The following ARHGAP24 variants were observed in gnomAD, a reference collection of about 807,000 sequenced individuals.
ARHGAP24 encodes the protein rho GTPase-activating protein 24.
ARHGAP24 carries 50 observed loss-of-function variants against 76.4 expected under a neutral mutation model. The ratio of observed to expected loss-of-function variants is 0.65; its 90% CI spans 0.52 to 0.83. The LOEUF (loss-of-function observed/expected upper bound fraction) is 0.83. Ranked by LOEUF, ARHGAP24 falls within the 40% of genes least tolerant of loss-of-function variation. The probability of loss-of-function intolerance (pLI) is 0.00; values close to 1 mark genes in which losing one functional copy is unlikely to be tolerated. For synonymous variants in ARHGAP24, 345 were observed against 323.3 expected, an observed-to-expected ratio of 1.07 and a Z score of -0.72; for missense variants, 930 against 914.2, an observed-to-expected ratio of 1.02 and a Z score of -0.22.
At chr4:85,866,391 G>T (rs1263069771) in intron 3 of ARHGAP24, among the ~76,000 whole-genome samples, 1 of 152,084 alleles carries the variant, frequency 6.6e-6, no homozygotes, top group African/African-American at 2.4e-5. Context: ...CATTTCCTTG[G>T]CTTACCCTGC....
intron 2 of ARHGAP24, among the ~76,000 whole-genome samples, chr4:85,630,179 A>G (rs375299354): frequency 1.3e-5 from 2 of 152,152 alleles, no homozygotes; most frequent in East Asian, 1.9e-4. Flanking sequence ...TTTCAGCTAT[A>G]GAATATCTGG....
chr4:85,797,112 G>C (rs1237557234), intron 3 of ARHGAP24, among the ~76,000 whole-genome samples: 1 of 151,820 alleles, frequency 6.6e-6, no homozygotes, highest in Non-Finnish European at 1.5e-5. Flanking sequence ...CTCTACTGAT[G>C]ATAGAGTTTA....
rs771231520 is a variant in ARHGAP24 at position 86,001,688 on chromosome 4, A to G, written c.*966A>G. ...TCCCATCTCCCAACAACTGCACTTT[A>G]GAATACCAGCAGTGAAATGGTATTA... On this transcript the variant is annotated 3_prime_UTR_variant, in exon 10 of 10. Transcript: ENST00000395184. 7.2e-5 allele frequency: 26 copies of G among 359,744 alleles called. No homozygotes were observed. The highest frequency in any genetic ancestry group is 1.2e-4 in the Non-Finnish European group (25 of 202,582). 22.3% of individuals were successfully genotyped at this position (359,744 alleles called of 1,614,324 possible).
At chr4:85,905,290 C>T (rs966852583) in intron 3 of ARHGAP24, among the ~76,000 whole-genome samples, 5 of 152,008 alleles carry the variant, frequency 3.3e-5, no homozygotes, top group Admixed American at 6.6e-5. Flanking sequence ...TTAAGTCATA[C>T]GGGCTAGCCA....
chr4:85,773,426 T>C (rs1018120328), intron 3 of ARHGAP24, among the ~76,000 whole-genome samples: 2 of 152,248 alleles, frequency 1.3e-5, no homozygotes, highest in Non-Finnish European at 2.9e-5. Context: ...TCATTCCACA[T>C]GCCAGCTCTA....
At chr4:85,584,360 A>G (rs1285623991) in intron 2 of ARHGAP24, among the ~76,000 whole-genome samples, 1 of 149,790 alleles carries the variant, frequency 6.7e-6, no homozygotes, top group South Asian at 2.1e-4. Context: ...CAAACACCAC[A>G]TGTTCTCACT....
intron 2 of ARHGAP24, among the ~76,000 whole-genome samples, chr4:85,705,298 TATTTTAA>T (rs1291149975): frequency 4.6e-5 from 7 of 152,186 alleles, no homozygotes; most frequent in Non-Finnish European, 1.0e-4. Flanking sequence ...ACAGATACTA[TATTTTAA>T]ATTTTAATTT....
intron 3 of ARHGAP24, among the ~76,000 whole-genome samples, chr4:85,758,685 G>A (rs1394940598): frequency 6.6e-6 from 1 of 152,168 alleles, no homozygotes; most frequent in African/African-American, 2.4e-5. Flanking sequence ...AGGACTTCGC[G>A]AGACATCATA....
intron 3 of ARHGAP24, among the ~76,000 whole-genome samples, chr4:85,741,570 C>T (rs1484420079): frequency 1.3e-5 from 2 of 152,072 alleles, no homozygotes; most frequent in Non-Finnish European, 2.9e-5. Flanking sequence ...GCAGGAATGC[C>T]AAAAAGCTGG....
Position 85,475,297 on chromosome 4 carries a change from G to A in ARHGAP24, c.-283G>A. On this transcript the variant is annotated 5_prime_UTR_variant, in exon 1 of 10. Coordinates refer to ENST00000395184, the MANE Select transcript of ARHGAP24 (RefSeq NM_001025616.3). The stretch of plus-strand genomic sequence containing the variant: ...TCAAGGCTGCGGCGGGGACCAGAGA[G>A]GAGCCTGGCGGGGGTGGCTGGGTGG... 1 of 152,474 alleles carries A rather than the reference G, an allele frequency of 6.6e-6. No individual in the cohort carries two copies. Among genetic ancestry groups the A allele is most frequent in the Non-Finnish European group, 1.5e-5 (1 of 68,134 alleles). 9.4% of individuals were successfully genotyped at this position (152,474 alleles called of 1,614,324 possible).
At chr4:85,567,946 G>A (rs576199958) in intron 1 of ARHGAP24, among the ~76,000 whole-genome samples, 1 of 152,122 alleles carries the variant, frequency 6.6e-6, no homozygotes, top group South Asian at 2.1e-4. Flanking sequence ...TCTTCAATTA[G>A]CATTAGTAAA....
chr4:85,652,178 TTAA>T (rs763099576), intron 2 of ARHGAP24, among the ~76,000 whole-genome samples: 4 of 152,178 alleles, frequency 2.6e-5, no homozygotes, highest in Non-Finnish European at 5.9e-5. Flanking sequence ...TATTTCACAT[TTAA>T]TAATAAGATA....
intron 1 of ARHGAP24, among the ~76,000 whole-genome samples, chr4:85,566,029 T>A (rs1726830846): frequency 6.6e-6 from 1 of 152,216 alleles, no homozygotes; most frequent in South Asian, 2.1e-4. Flanking sequence ...TACAAGCCCA[T>A]CAAATGCTGA....
intron 1 of ARHGAP24, among the ~76,000 whole-genome samples, chr4:85,487,354 TATATAA>T (rs1200077867): frequency 6.1e-5 from 7 of 115,124 alleles, no homozygotes; most frequent in African/African-American, 2.5e-4. Context: ...ATTTATAATA[TATATAA>T]ATATATAAAT....
At chr4:85,714,097 A>T (rs980709466) in intron 2 of ARHGAP24, among the ~76,000 whole-genome samples, 2 of 152,174 alleles carry the variant, frequency 1.3e-5, no homozygotes, top group African/African-American at 4.8e-5. Context: ...AACATGTTGA[A>T]AAACAGAAGT....
intron 3 of ARHGAP24, among the ~76,000 whole-genome samples, chr4:85,894,977 A>AAAAAAAAAC (rs1734069717): frequency 2.6e-5 from 1 of 39,104 alleles, no homozygotes; most frequent in Non-Finnish European, 4.9e-5. Context: ...AAAAAAAAAA[A>AAAAAAAAAC]AAAAAAAAAA....
At chr4:85,655,798 G>GAGAGAT (rs1722134122) in intron 2 of ARHGAP24, among the ~76,000 whole-genome samples, 2 of 42,862 alleles carry the variant, frequency 4.7e-5, no homozygotes, top group African/African-American at 2.0e-4. Flanking sequence ...TATATAGAGA[G>GAGAGAT]AGAGAGAGAG....
chr4:85,512,086 A>G (rs1392919910), intron 1 of ARHGAP24, among the ~76,000 whole-genome samples: 2 of 152,196 alleles, frequency 1.3e-5, no homozygotes, highest in African/African-American at 4.8e-5. Flanking sequence ...AAATAAGGCC[A>G]TATTCTGAGG....
chr4:85,853,093 A>G (rs1731331966), intron 3 of ARHGAP24, among the ~76,000 whole-genome samples: 1 of 152,200 alleles, frequency 6.6e-6, no homozygotes, highest in African/African-American at 2.4e-5. Flanking sequence ...TGGAGTCTAT[A>G]GAGGCAGCAA....
Sources: gnomAD v4.1 joint callset for allele counts (sites outside exome capture counted in the v4.1 genomes callset) on GRCh38, gnomAD v4.1.1 for gene constraint, MANE v1.5 for transcripts, NCBI Gene and HGNC (gene_info 2026-07-23, HGNC 2026-07-21) for gene names.